Variants in NTM observed in about 807,000 individuals in gnomAD.
NTM encodes IgLON family member 2.
Under a neutral mutation model 42.1 loss-of-function variants are expected in NTM, and 13 were observed. That is an observed-to-expected ratio of 0.31 (90% confidence interval 0.20 to 0.49). The LOEUF is 0.49. Ranked by LOEUF, NTM falls within the 20% of genes least tolerant of loss-of-function variation. The probability of loss-of-function intolerance (pLI) is 0.99; values close to 1 mark genes in which losing one functional copy is unlikely to be tolerated. For missense variants in NTM, 373 were observed against 452.8 expected (o/e 0.82, Z 1.60); for synonymous variants, 187 against 179.2 (o/e 1.04, Z -0.35).
At chr11:132,186,802 C>T (rs1415601950) in intron 3 of NTM, among the ~76,000 whole-genome samples, 1 of 152,146 alleles carries the variant, frequency 6.6e-6, no homozygotes, top group African/African-American at 2.4e-5. Flanking sequence ...TCAAATGCAC[C>T]AGGGATAGGA....
intron 1 of NTM, among the ~76,000 whole-genome samples, chr11:131,561,484 G>A (rs992400748): frequency 2.0e-5 from 3 of 152,198 alleles, no homozygotes; most frequent in African/African-American, 7.2e-5. Flanking sequence ...GAAGAAGACA[G>A]AGTGAAAGGA....
At chr11:131,777,798 G>A (rs2087308430) in intron 1 of NTM, among the ~76,000 whole-genome samples, 3 of 152,126 alleles carry the variant, frequency 2.0e-5, no homozygotes, top group African/African-American at 7.2e-5. Flanking sequence ...TTATGACTGT[G>A]AATGCTTCAG....
intron 1 of NTM, among the ~76,000 whole-genome samples, chr11:131,751,641 T>C (rs1199529078): frequency 6.7e-6 from 1 of 150,352 alleles, no homozygotes; most frequent in East Asian, 1.9e-4. Context: ...GTGCCAGTAG[T>C]CCTAGCTACT....
chr11:132,268,088 AAAT>A (rs1477365579), intron 4 of NTM, among the ~76,000 whole-genome samples: 2 of 152,174 alleles, frequency 1.3e-5, no homozygotes, highest in Non-Finnish European at 2.9e-5. Context: ...TAATATTACC[AAAT>A]AATGACTTTA....
intron 1 of NTM, among the ~76,000 whole-genome samples, chr11:131,848,075 G>A (rs1030538336): frequency 2.0e-5 from 3 of 152,144 alleles, no homozygotes; most frequent in African/African-American, 4.8e-5. Flanking sequence ...TTATAATGAC[G>A]TTTGCTGAGT....
intron 1 of NTM, among the ~76,000 whole-genome samples, chr11:131,891,850 A>C (rs534037770): frequency 8.7e-4 from 132 of 152,234 alleles, no homozygotes; most frequent in African/African-American, 3.0e-3. Flanking sequence ...AATTCTTGAC[A>C]ATGGTTCTGA....
At chr11:131,926,351 G>A (rs1000275172) in intron 2 of NTM, among the ~76,000 whole-genome samples, 1 of 152,180 alleles carries the variant, frequency 6.6e-6, no homozygotes, top group Non-Finnish European at 1.5e-5. Context: ...ATGGTGGAAA[G>A]TATTGGGGCA....
At chr11:131,417,756 C>G (rs1947101219) in intron 1 of NTM, among the ~76,000 whole-genome samples, 1 of 152,184 alleles carries the variant, frequency 6.6e-6, no homozygotes, top group Non-Finnish European at 1.5e-5. Context: ...TGGACCAGCT[C>G]TCTTCCTCTA....
chr11:131,553,436 G>A (rs1169266945), intron 1 of NTM, among the ~76,000 whole-genome samples: 1 of 152,090 alleles, frequency 6.6e-6, no homozygotes, highest in Non-Finnish European at 1.5e-5. Context: ...CAGATTCCTG[G>A]CCTGCATGTC....
At chr11:131,538,891 T>A (rs1385649234) in intron 1 of NTM, among the ~76,000 whole-genome samples, 1 of 150,660 alleles carries the variant, frequency 6.6e-6, no homozygotes, top group Non-Finnish European at 1.5e-5. Context: ...TAAAAATAAG[T>A]ATGTGAAGGG....
At chr11:131,836,538 T>A (rs1343940439) in intron 1 of NTM, among the ~76,000 whole-genome samples, 1 of 152,228 alleles carries the variant, frequency 6.6e-6, no homozygotes, top group Non-Finnish European at 1.5e-5. Flanking sequence ...TTGTTTATTA[T>A]CTACACTAGT....
At chr11:131,694,270 C>T (rs961392319) in intron 1 of NTM, among the ~76,000 whole-genome samples, 4 of 152,232 alleles carry the variant, frequency 2.6e-5, no homozygotes, top group Non-Finnish European at 4.4e-5. Flanking sequence ...ATAGTGATGA[C>T]TTGTTACCCT....
At chr11:132,261,594 T>C (rs572687386) in intron 4 of NTM, among the ~76,000 whole-genome samples, 9 of 152,298 alleles carry the variant, frequency 5.9e-5, no homozygotes, top group African/African-American at 1.9e-4. Flanking sequence ...CCTAGTTAGA[T>C]GGAGGCATTT....
intron 1 of NTM, among the ~76,000 whole-genome samples, chr11:131,895,631 T>A (rs581858): frequency 0.25 from 37,859 of 151,824 alleles, 5,370 homozygotes; most frequent in African/African-American, 0.4. Context: ...TACAGAGTTC[T>A]AGATTGTGAA....
At chr11:132,296,769 C>T (rs781160156) in intron 4 of NTM, among the ~76,000 whole-genome samples, 3 of 152,232 alleles carry the variant, frequency 2.0e-5, no homozygotes, top group African/African-American at 7.2e-5. Context: ...TCCCATACAC[C>T]GTCTTTTTAT....
At chr11:131,682,284 G>T (rs1461751083) in intron 1 of NTM, among the ~76,000 whole-genome samples, 1 of 152,196 alleles carries the variant, frequency 6.6e-6, no homozygotes, top group Non-Finnish European at 1.5e-5. Flanking sequence ...GGAAAATGGG[G>T]CAATACCTGC....
chr11:131,653,368 C>T (rs376276931), intron 1 of NTM, among the ~76,000 whole-genome samples: 94 of 152,300 alleles, frequency 6.2e-4, no homozygotes, highest in African/African-American at 2.0e-3. Context: ...GGACATCAGC[C>T]GGAGGGCCCT....
intron 2 of NTM, among the ~76,000 whole-genome samples, chr11:132,087,933 A>T (rs1047663223): frequency 2.6e-5 from 4 of 152,234 alleles, no homozygotes; most frequent in Non-Finnish European, 1.5e-5. Flanking sequence ...CACAGGGCCC[A>T]GGTCCCTGAG....
chr11:131,705,672 A>G (rs1030724901), intron 1 of NTM, among the ~76,000 whole-genome samples: 3 of 152,178 alleles, frequency 2.0e-5, no homozygotes, highest in Non-Finnish European at 4.4e-5. Flanking sequence ...CACAATATAA[A>G]AAAGACATAA....
Sources: allele counts gnomAD v4.1 joint callset (sites outside exome capture counted in the v4.1 genomes callset), GRCh38; gene constraint gnomAD v4.1.1; transcripts MANE v1.5; gene names NCBI Gene and HGNC (gene_info 2026-07-23, HGNC 2026-07-21).